PALS1: variants seen among roughly 807,000 people sequenced by gnomAD.
PALS1 encodes protein associated with LIN7 1, MAGUK p55 family member, also known as protein PALS1.
PALS1 carries 31 observed loss-of-function variants against 78.9 expected under a neutral mutation model. That is an observed-to-expected ratio of 0.39 (90% CI 0.30 to 0.53). PALS1 has a LOEUF of 0.53. PALS1 is among the 20% of genes least tolerant of loss of function. The probability of loss-of-function intolerance (pLI) is 0.67; values close to 1 mark genes in which losing one functional copy is unlikely to be tolerated. For missense variants in PALS1, 704 were observed against 826.5 expected (o/e 0.85, Z 1.82); for synonymous variants, 276 against 270.9 (o/e 1.02, Z -0.18).
At chr14:67,330,495 G>A (rs950771150) in intron 14 of PALS1, among the ~76,000 whole-genome samples, 1 of 105,674 alleles carries the variant, frequency 9.5e-6, no homozygotes, top group Admixed American at 1.2e-4. Flanking sequence ...TTTCGCTCTT[G>A]TTGCCCAGGC....
chr14:67,317,537 C>A, intron 11 of PALS1, 58 bp downstream of exon 11: 1 of 1,192,066 alleles, frequency 8.4e-7, no homozygotes, highest in Non-Finnish European at 1.2e-6. Context: ...TAAACCTAGT[C>A]CTGTTTTGCA....
intron 1 of PALS1, chr14:67,254,182 C>CTTTTTTT (rs78097877): frequency 1.0e-4 from 12 of 118,488 alleles, no homozygotes; most frequent in Non-Finnish European, 1.7e-4. Flanking sequence ...AAGTGTCTTT[C>CTTTTTTT]TTTTTTTTTT....
chr14:67,325,679 T>A (rs1230805161), intron 14 of PALS1, among the ~76,000 whole-genome samples: 1 of 152,198 alleles, frequency 6.6e-6, no homozygotes, highest in Admixed American at 6.5e-5. Context: ...ACTCCATGCT[T>A]CCTGTTCAGC....
At chr14:67,313,329 G>A (rs1489120888) in intron 9 of PALS1, among the ~76,000 whole-genome samples, 1 of 152,154 alleles carries the variant, frequency 6.6e-6, no homozygotes, top group East Asian at 1.9e-4. Context: ...TGTGCCATTA[G>A]GTGATTTCAT....
At chr14:67,296,536 C>G (rs1340643319) in intron 4 of PALS1, among the ~76,000 whole-genome samples, 2 of 132,036 alleles carry the variant, frequency 1.5e-5, no homozygotes, top group South Asian at 2.4e-4. Flanking sequence ...GAGCCAAGAT[C>G]GTGCCACTGC....
intron 3 of PALS1, among the ~76,000 whole-genome samples, chr14:67,291,451 AT>A (rs1308045543): frequency 1.3e-5 from 2 of 151,828 alleles, no homozygotes; most frequent in Non-Finnish European, 1.5e-5. Context: ...TTCCCGGCTA[AT>A]TTTTGTATTT....
intron 8 of PALS1, among the ~76,000 whole-genome samples, chr14:67,311,633 A>T (rs1443975488): frequency 6.6e-6 from 1 of 152,206 alleles, no homozygotes; most frequent in Non-Finnish European, 1.5e-5. Flanking sequence ...ATAGTCTGTC[A>T]TATCTTACAG....
chr14:67,248,445 C>T (rs1473933990), intron 1 of PALS1, among the ~76,000 whole-genome samples: 1 of 152,106 alleles, frequency 6.6e-6, no homozygotes, highest in Non-Finnish European at 1.5e-5. Context: ...CAGTTACCTA[C>T]CTACATTTTA....
chr14:67,330,844 C>T (rs2085437596), intron 14 of PALS1, among the ~76,000 whole-genome samples: 1 of 152,166 alleles, frequency 6.6e-6, no homozygotes, highest in South Asian at 2.1e-4. Flanking sequence ...AAGATTTTAA[C>T]TGATTTATAA....
chr14:67,272,320 C>A (rs1186641003), intron 2 of PALS1, among the ~76,000 whole-genome samples: 1 of 152,140 alleles, frequency 6.6e-6, no homozygotes, highest in African/African-American at 2.4e-5. Flanking sequence ...TTTCATCTTC[C>A]CACCTTTGGT....
At chr14:67,300,920 G>A (rs556211842) in intron 4 of PALS1, among the ~76,000 whole-genome samples, 35 of 152,012 alleles carry the variant, frequency 2.3e-4, no homozygotes, top group East Asian at 7.7e-4. Context: ...TCAAACTCCT[G>A]GGCTTAAGCA....
intron 2 of PALS1, among the ~76,000 whole-genome samples, chr14:67,276,145 G>A (rs1183804808): frequency 6.6e-6 from 1 of 152,088 alleles, no homozygotes; most frequent in Non-Finnish European, 1.5e-5. Context: ...AAAAATGAAT[G>A]TGATCATGTC....
At chr14:67,287,431 A>G (rs2084706723) in intron 3 of PALS1, among the ~76,000 whole-genome samples, 1 of 152,202 alleles carries the variant, frequency 6.6e-6, no homozygotes, top group African/African-American at 2.4e-5. Flanking sequence ...TACTTATTAA[A>G]AAGCACTCTA....
chr14:67,306,050 A>T (rs1595602161), intron 8 of PALS1, among the ~76,000 whole-genome samples: 1 of 152,052 alleles, frequency 6.6e-6, no homozygotes, highest in African/African-American at 2.4e-5. Flanking sequence ...GCTCACTGCA[A>T]CCTCCGCCTC....
intron 7 of PALS1, 38 bp downstream of exon 7, chr14:67,302,609 T>C: frequency 5.1e-6 from 7 of 1,373,362 alleles, no homozygotes; most frequent in Non-Finnish European, 6.7e-6. Context: ...TGATAGCTTT[T>C]AGAAAGCTCT....
At chr14:67,293,202 TTTA>T (rs1206708440) in intron 4 of PALS1, among the ~76,000 whole-genome samples, 1 of 152,132 alleles carries the variant, frequency 6.6e-6, no homozygotes, top group Non-Finnish European at 1.5e-5. Context: ...TATGGGAGTT[TTTA>T]TTGTTAACAT....
rs1318289988 is a variant in PALS1, at chr14:67,280,871, C to T, written c.367+1334C>T. ...TCCTTCCTTCCCTCCCTCCCTCCCT[C>T]CCTCCCTCCCTTTTCTTTCTTTTCT... is the stretch of plus-strand genomic sequence containing the variant. On this transcript the variant is annotated intron_variant, in intron 3 of 14. Coordinates refer to ENST00000261681, the MANE Select transcript of PALS1 (RefSeq NM_022474.4). Among the ~76,000 whole-genome samples, 125 of 131,188 alleles carry T rather than the reference C, an allele frequency of 9.5e-4. 1 individual carries two copies. The highest frequency in any genetic ancestry group is 3.4e-3 in the African/African-American group (119 of 34,800). 86.1% of individuals were successfully genotyped at this position (131,188 alleles called of 152,430 possible).
chr14:67,301,784 T>C (rs2084935470), intron 5 of PALS1, among the ~76,000 whole-genome samples, 188 bp from the exon 6 acceptor site: 1 of 152,206 alleles, frequency 6.6e-6, no homozygotes, highest in Admixed American at 6.5e-5. Context: ...TTAGTAAGCA[T>C]TTTAGACTTT....
At chr14:67,281,028 G>A (rs1172970861) in intron 3 of PALS1, among the ~76,000 whole-genome samples, 1 of 151,390 alleles carries the variant, frequency 6.6e-6, no homozygotes, top group Non-Finnish European at 1.5e-5. Context: ...CCTCCCGAGT[G>A]GCTGGGATTA....
Sources: allele counts gnomAD v4.1 joint callset (sites outside exome capture counted in the v4.1 genomes callset), GRCh38; gene constraint gnomAD v4.1.1; transcripts MANE v1.5; gene names NCBI Gene and HGNC (gene_info 2026-07-23, HGNC 2026-07-21).